Variants in TNR observed in about 807,000 individuals in gnomAD.
The protein encoded by TNR is tenascin-R.
Under a neutral mutation model 150.4 loss-of-function variants are expected in TNR, and 45 were observed. The observed-to-expected ratio is 0.30, with a 90% confidence interval of 0.24 to 0.38. The LOEUF (loss-of-function observed/expected upper bound fraction) is 0.38, where lower values mean the gene tolerates loss of function less well. Ranked by LOEUF, TNR falls within the 10% of genes least tolerant of loss-of-function variation. TNR has a pLI of 1.00. For missense variants in TNR, 1,544 were observed against 1,759.1 expected (o/e 0.88, Z 2.19); for synonymous variants, 687 against 678.4 (o/e 1.01, Z -0.20).
chr1:175,379,442 G>T, intron 9 of TNR, 110 bp downstream of exon 9: 1 of 919,262 alleles, frequency 1.1e-6, no homozygotes, highest in Non-Finnish European at 1.7e-6. Context: ...CTTAAGAGAT[G>T]AGATCAATAG....
Position 175,358,155 on chromosome 1 carries a change from G to A in TNR, c.2974+1457C>T, listed in dbSNP as rs542534085. Among the ~76,000 whole-genome samples the A allele has an allele frequency of 3.3e-5, 5 of 152,298 alleles. No homozygotes were observed. In the South Asian group the frequency reaches 6.2e-4, roughly 19 times the overall value. On this transcript the variant is annotated intron_variant, in intron 15 of 22. Transcript: ENST00000367674. The stretch of plus-strand genomic sequence containing the variant: ...ATGCGGGATCATGTTATGAAAGGAG[G>A]GGTGACAGGAATTGAGATGGATTGT...
chr1:175,356,264 A>T, intron 16 of TNR, 55 bp downstream of exon 16: 1 of 1,605,718 alleles, frequency 6.2e-7, no homozygotes. Flanking sequence ...AAGAAAGCTG[A>T]TCATTTCCAC....
intron 1 of TNR, among the ~76,000 whole-genome samples, chr1:175,645,930 G>A (rs1371293042): frequency 2.0e-5 from 3 of 150,682 alleles, no homozygotes; most frequent in African/African-American, 5.0e-5. Context: ...AGACAAAGCC[G>A]GTATTTTTTA....
chr1:175,535,863 TTCA>T (rs1475423515), intron 1 of TNR, among the ~76,000 whole-genome samples: 1 of 152,178 alleles, frequency 6.6e-6, no homozygotes, highest in Non-Finnish European at 1.5e-5. Context: ...CATCTTTAAT[TTCA>T]TCAACCTCTA....
At chr1:175,572,611 C>T (rs1661924910) in intron 1 of TNR, among the ~76,000 whole-genome samples, 1 of 151,794 alleles carries the variant, frequency 6.6e-6, no homozygotes. Flanking sequence ...TACAAAAGTA[C>T]AGGCTTATTA....
intron 2 of TNR, among the ~76,000 whole-genome samples, chr1:175,522,526 C>T (rs1659678266): frequency 6.6e-6 from 1 of 152,144 alleles, no homozygotes; most frequent in Admixed American, 6.5e-5. Flanking sequence ...TGTAACCAAA[C>T]ATCACCTGTT....
intron 2 of TNR, among the ~76,000 whole-genome samples, chr1:175,420,839 G>C (rs1216260090): frequency 6.6e-6 from 1 of 152,138 alleles, no homozygotes; most frequent in Non-Finnish European, 1.5e-5. Flanking sequence ...CTATCTCTGA[G>C]AAATTCACAG....
At chr1:175,453,463 T>C (rs1207636718) in intron 2 of TNR, among the ~76,000 whole-genome samples, 2 of 152,160 alleles carry the variant, frequency 1.3e-5, no homozygotes, top group East Asian at 3.9e-4. Flanking sequence ...GGGACCTCTC[T>C]GGGGACACAC....
intron 1 of TNR, among the ~76,000 whole-genome samples, chr1:175,700,535 G>A (rs754028338): frequency 1.8e-4 from 27 of 152,152 alleles, no homozygotes; most frequent in Non-Finnish European, 3.7e-4. Flanking sequence ...TCTCCACACT[G>A]ACTTAACTTC....
intron 2 of TNR, among the ~76,000 whole-genome samples, chr1:175,516,823 C>T (rs1399362612): frequency 2.0e-5 from 3 of 151,992 alleles, no homozygotes; most frequent in Non-Finnish European, 4.4e-5. Flanking sequence ...ATTTGTAGTG[C>T]ATTTTTTAGT....
chr1:175,710,376 G>A (rs1325801013), intron 1 of TNR, among the ~76,000 whole-genome samples: 1 of 152,118 alleles, frequency 6.6e-6, no homozygotes, highest in African/African-American at 2.4e-5. Flanking sequence ...GTTGATTTCT[G>A]TCCTGCTTAT....
chr1:175,514,066 A>G (rs145918407), intron 2 of TNR, among the ~76,000 whole-genome samples: 46 of 152,356 alleles, frequency 3.0e-4, no homozygotes, highest in Middle Eastern at 3.4e-3. Context: ...AAAGACATCC[A>G]TACCTTAGTC....
chr1:175,710,793 A>T (rs1041288574), intron 1 of TNR, among the ~76,000 whole-genome samples: 1 of 152,036 alleles, frequency 6.6e-6, no homozygotes, highest in African/African-American at 2.4e-5. Flanking sequence ...TAATTTTCCT[A>T]ATGCTTGGCT....
At chr1:175,472,187 T>C (rs1019835412) in intron 2 of TNR, among the ~76,000 whole-genome samples, 1 of 152,134 alleles carries the variant, frequency 6.6e-6, no homozygotes, top group Non-Finnish European at 1.5e-5. Flanking sequence ...CCTATGTCTA[T>C]ACAGGGTCAG....
chr1:175,511,111 G>A (rs1423766215), intron 2 of TNR, among the ~76,000 whole-genome samples: 1 of 152,130 alleles, frequency 6.6e-6, no homozygotes, highest in Non-Finnish European at 1.5e-5. Context: ...TGGGCCTGTG[G>A]GACTCTCTAA....
intron 1 of TNR, among the ~76,000 whole-genome samples, chr1:175,541,466 A>G (rs1263259143): frequency 2.0e-5 from 3 of 152,264 alleles, no homozygotes; most frequent in Non-Finnish European, 4.4e-5. Flanking sequence ...AATGGCAGGC[A>G]AGTATTTCAC....
intron 2 of TNR, among the ~76,000 whole-genome samples, chr1:175,434,412 T>C (rs1455746968): frequency 6.6e-6 from 1 of 152,146 alleles, no homozygotes; most frequent in Non-Finnish European, 1.5e-5. Flanking sequence ...ATTCTCCAGA[T>C]GGTTGGAGAG....
At chr1:175,671,611 A>G (rs1390705277) in intron 1 of TNR, among the ~76,000 whole-genome samples, 1 of 152,238 alleles carries the variant, frequency 6.6e-6, no homozygotes, top group Admixed American at 6.5e-5. Context: ...CAGATAAACA[A>G]TAAACAAATA....
intron 2 of TNR, among the ~76,000 whole-genome samples, chr1:175,498,412 G>C (rs1483477144): frequency 2.6e-5 from 4 of 152,216 alleles, no homozygotes; most frequent in African/African-American, 9.7e-5. Context: ...CTGAGGACCA[G>C]GGAATGGTGG....
Sources: gnomAD v4.1 joint callset for allele counts (sites outside exome capture counted in the v4.1 genomes callset) on GRCh38, gnomAD v4.1.1 for gene constraint, MANE v1.5 for transcripts, NCBI Gene and HGNC (gene_info 2026-07-23, HGNC 2026-07-21) for gene names.